Variants in OR4K14 observed in about 807,000 individuals in gnomAD.
The protein encoded by OR4K14 is olfactory receptor 4K14.
For synonymous variants in OR4K14, 153 were observed against 141.5 expected, an observed-to-expected ratio of 1.08 and a Z score of -0.58; for missense variants, 406 against 373.6, an observed-to-expected ratio of 1.09 and a Z score of -0.72.
At position 20,014,909 on chromosome 14, in the gene OR4K14, A is replaced by G. The variant is rs776119928; in HGVS notation, c.285T>C (p.Phe95=). The change falls in exon 2 of 2, where the codon TTT becomes TTC. Residue 95 remains phenylalanine, a synonymous_variant. Coordinates refer to ENST00000641793, the MANE Select transcript of OR4K14 (RefSeq NM_001004712.2). ...DFLSDQKLIS[F]GGCMAQIFFL... ...AGAAGATTTGAGCCATACATCCTCC[A>G]AAGGAGATGAGTTTTTGATCACTAA... 1 of 1,614,146 alleles carries G rather than the reference A, an allele frequency of 6.2e-7. No homozygotes were observed. The highest frequency in any genetic ancestry group is 1.1e-5 in the South Asian group (1 of 91,080).
intron 1 of OR4K14, among the ~76,000 whole-genome samples, chr14:20,017,479 T>TA (rs1566526508): frequency 1.3e-5 from 2 of 151,932 alleles, no homozygotes; most frequent in African/African-American, 2.4e-5. Flanking sequence ...GTATTTGGGA[T>TA]AAAAAGCCTA....
chr14:20,014,166 T>C lies in OR4K14; in HGVS notation c.*95A>G. 4.0e-6 allele frequency: 3 copies of C among 754,860 alleles called. No individual in the cohort carries two copies. The highest frequency in any genetic ancestry group is 4.3e-6 in the Non-Finnish European group (2 of 465,890). The allele number at this position is 754,860 out of a possible 1,614,324, so 46.8% of individuals were successfully genotyped here. A position where few individuals can be genotyped will look rare whatever the true frequency, so the allele number is the denominator to read the frequency against. ...TATAACACATTACAAATTATATCAA[T>C]GTAGTGTCAGAATGAAATCTTTGAG... On this transcript the variant is annotated 3_prime_UTR_variant, in exon 2 of 2. Coordinates refer to ENST00000641793, the MANE Select transcript of OR4K14 (RefSeq NM_001004712.2).
Position 20,014,905 on chromosome 14 carries a change from C to A in OR4K14, c.289G>T (p.Gly97Ter). 2 of 1,614,156 alleles carry A rather than the reference C, an allele frequency of 1.2e-6. No homozygotes were observed. Residue 97 changes from glycine to a stop codon, truncating the protein, a stop_gained, in exon 2 of 2, where the codon GGA becomes TGA. Coordinates refer to ENST00000641793, the MANE Select transcript of OR4K14 (RefSeq NM_001004712.2). LOFTEE classifies it low-confidence loss of function (END_TRUNC). ...AAGAAGAAGATTTGAGCCATACATCCTCCAAAGGAGATGAGTTTTTGATCA... is the reference window on the plus strand; with the variant it reads ...AAGAAGAAGATTTGAGCCATACATCATCCAAAGGAGATGAGTTTTTGATCA... ...LSDQKLISFG[G>*]CMAQIFFLHF... is the part of the protein sequence containing the mutation.
intron 1 of OR4K14, among the ~76,000 whole-genome samples, chr14:20,018,115 C>T (rs999013478): frequency 4.0e-5 from 6 of 151,888 alleles, no homozygotes; most frequent in African/African-American, 1.4e-4. Context: ...TCTTGTAAGG[C>T]TTCTACAGGG....
chr14:20,017,999 G>T (rs1038328249), intron 1 of OR4K14, among the ~76,000 whole-genome samples: 1 of 151,830 alleles, frequency 6.6e-6, no homozygotes, highest in Non-Finnish European at 1.5e-5. Context: ...TTTAATAAGG[G>T]GTATCACATA....
In OR4K14 at chr14:20,014,334, A is replaced by G; in HGVS notation, c.860T>C (p.Ile287Thr). 6.2e-7 allele frequency: 1 copy of G among 1,613,822 alleles called. No individual in the cohort carries two copies. The highest frequency in any genetic ancestry group is 8.5e-7 in the Non-Finnish European group (1 of 1,179,806). ...TIFTPLLNPI[I>T]YTLRNEEMKA... is the part of the protein sequence containing the mutation. The stretch of plus-strand genomic sequence containing the variant: ...CATCTCCTCATTTCTCAATGTGTAG[A>G]TAATGGGGTTCAGGAGTGGAGTAAA... Residue 287 changes from isoleucine to threonine, a missense_variant, in exon 2 of 2, where the codon ATC becomes ACC. Physicochemically the swap from Ile to Thr is moderately conservative, Grantham distance 89. Transcript: ENST00000641793.
In OR4K14 at chr14:20,016,838, ATAT is replaced by A. The variant is rs541376129; in HGVS notation, c.-29-1619_-29-1617del. 4.8e-3 allele frequency among the ~76,000 whole-genome samples: 735 copies of A among 152,232 alleles called. 6 individuals carry two copies. Among genetic ancestry groups the A allele is most frequent in the South Asian group, 0.012 (60 of 4,826 alleles). On this transcript the variant is annotated intron_variant, in intron 1 of 1. Coordinates refer to ENST00000641793, the MANE Select transcript of OR4K14 (RefSeq NM_001004712.2). Reference sequence around the variant, plus strand: ...CAGCCTAACAGAGACATAGAGTATTATATTATTAATATATTTCTTCATAATCAC... The same window carrying A: ...CAGCCTAACAGAGACATAGAGTATTATATTAATATATTTCTTCATAATCAC...
Position 20,014,605 on chromosome 14 carries a change from C to T in OR4K14, c.589G>A (p.Gly197Ser), listed in dbSNP as rs150702306. 24 of 1,613,872 alleles carry T rather than the reference C, an allele frequency of 1.5e-5. No individual in the cohort carries two copies. The African/African-American group carries it at 2.8e-4, about 19-fold the overall frequency. ...KLACMDTYVL[G>S]IIMISDSGLL... ...CCACTGTCTGAGATCATAATTATACCCAAGACATAGGTGTCCATGCAGGCA... is the reference window on the plus strand; with the variant it reads ...CCACTGTCTGAGATCATAATTATACTCAAGACATAGGTGTCCATGCAGGCA... Residue 197 changes from glycine to serine, a missense_variant, in exon 2 of 2, where the codon GGT becomes AGT. By Grantham distance (56) the Gly-to-Ser change is moderately conservative (BLOSUM62 0). Transcript: ENST00000641793.
chr14:20,018,541 C>CTT (rs1362145778), intron 1 of OR4K14, among the ~76,000 whole-genome samples: 126 of 151,994 alleles, frequency 8.3e-4, no homozygotes, highest in African/African-American at 2.9e-3. Context: ...TATTCTTTTC[C>CTT]TTTTTATGTC....
intron 1 of OR4K14, among the ~76,000 whole-genome samples, chr14:20,016,338 A>G (rs192541744): frequency 6.6e-6 from 1 of 151,716 alleles, no homozygotes; most frequent in East Asian, 2.0e-4. Flanking sequence ...AATTACTTTA[A>G]GCTAAAACGC....
chr14:20,017,926 T>C (rs1030579522), intron 1 of OR4K14, among the ~76,000 whole-genome samples: 9 of 152,056 alleles, frequency 5.9e-5, no homozygotes, highest in Non-Finnish European at 1.0e-4. Context: ...TAATTAGTTT[T>C]TTTTATGAGC....
At chr14:20,016,910 T>G (rs1877111433) in intron 1 of OR4K14, among the ~76,000 whole-genome samples, 1 of 152,046 alleles carries the variant, frequency 6.6e-6, no homozygotes, top group Non-Finnish European at 1.5e-5. Context: ...TCTTAAAAAA[T>G]GAATAAAAAT....
chr14:20,017,666 T>C (rs1354828497), intron 1 of OR4K14, among the ~76,000 whole-genome samples: 1 of 151,900 alleles, frequency 6.6e-6, no homozygotes, highest in Non-Finnish European at 1.5e-5. Flanking sequence ...TACTAGACAA[T>C]GGGAAGGGTA....
At position 20,014,690 on chromosome 14, in the gene OR4K14, A is replaced by C; in HGVS notation, c.504T>G (p.Pro168=). 6.2e-7 allele frequency: 1 copy of C among 1,614,116 alleles called. No homozygotes were observed. The highest frequency in any genetic ancestry group is 1.3e-5 in the African/African-American group (1 of 75,022). ...ISQVAFTVNL[P]YCGPNEVDSF... ...TGTCTACCTCATTGGGGCCACAGTA[A>C]GGCAAATTTACAGTGAAAGCCACTT... The change falls in exon 2 of 2, where the codon CCT becomes CCG. Residue 168 remains proline (P), a synonymous_variant. Transcript: ENST00000641793.
chr14:20,014,753 C>G lies in OR4K14; in HGVS notation c.441G>C (p.Leu147=). ...MSWQTCIRLV[L]ASWVVGFVHS... is the part of the protein sequence containing the mutation. ...GCACAAATCCAACGACCCATGAAGC[C>G]AGCACCAGCCTGATGCAAGTCTGCC... The change falls in exon 2 of 2, where the codon CTG becomes CTC. Residue 147 remains leucine (L), a synonymous_variant. Coordinates refer to ENST00000641793, the MANE Select transcript of OR4K14 (RefSeq NM_001004712.2). 1 of 1,614,104 alleles carries G rather than the reference C, an allele frequency of 6.2e-7. No individual in the cohort carries two copies. The highest frequency in any genetic ancestry group is 8.5e-7 in the Non-Finnish European group (1 of 1,180,006).
In OR4K14 at chr14:20,014,278, G is replaced by T; in HGVS notation, c.916C>A (p.Arg306=). Residue 306 remains arginine (R), a synonymous_variant, in exon 2 of 2, where the codon CGG becomes AGG. Coordinates refer to ENST00000641793, the MANE Select transcript of OR4K14 (RefSeq NM_001004712.2). ...GCTGGATTTCATTGAAAAGTCACCC[G>T]TCGGTTTTGCAGTTTCTTCATAGCT... is the stretch of plus-strand genomic sequence containing the variant. ...KAAMKKLQNR[R]VTFQ 20 of 1,600,424 alleles carry T rather than the reference G, an allele frequency of 1.2e-5. No homozygotes were observed. Among genetic ancestry groups the T allele is most frequent in the Non-Finnish European group, 1.7e-5 (20 of 1,172,480 alleles).
At chr14:20,018,493 C>A (rs1877143598) in intron 1 of OR4K14, among the ~76,000 whole-genome samples, 1 of 152,030 alleles carries the variant, frequency 6.6e-6, no homozygotes, top group African/African-American at 2.4e-5. Context: ...CCCATTCTAG[C>A]ACATATATCA....
chr14:20,016,030 ATC>A (rs1428590111), intron 1 of OR4K14, among the ~76,000 whole-genome samples: 1 of 147,236 alleles, frequency 6.8e-6, no homozygotes, highest in Non-Finnish European at 1.5e-5. Context: ...TCTTCTCACC[ATC>A]TCTGTCGATA....
At chr14:20,017,618 T>C (rs1034743910) in intron 1 of OR4K14, among the ~76,000 whole-genome samples, 2 of 151,928 alleles carry the variant, frequency 1.3e-5, no homozygotes, top group African/African-American at 4.8e-5. Flanking sequence ...ATGTGGAAGC[T>C]GAGCAAAATA....
Sources: gnomAD v4.1 joint callset for allele counts (sites outside exome capture counted in the v4.1 genomes callset) on GRCh38, gnomAD v4.1.1 for gene constraint, MANE v1.5 for transcripts, NCBI Gene and HGNC (gene_info 2026-07-23, HGNC 2026-07-21) for gene names.